Variants in PCDHA6 observed in about 807,000 individuals in gnomAD.
PCDHA6 encodes protocadherin alpha 6, also known as protocadherin alpha-6.
A neutral mutation model predicts 60.3 loss-of-function variants in PCDHA6; 55 were observed. The observed-to-expected ratio is 0.91, with a 90% CI of 0.73 to 1.14. The LOEUF (loss-of-function observed/expected upper bound fraction) is 1.14. Ranked by LOEUF, PCDHA6 falls within the 50% of genes most tolerant of loss-of-function variation. PCDHA6 has a pLI of 0.00. For missense variants in PCDHA6, 1,327 were observed against 1,256.5 expected (o/e 1.06, Z -0.85); for synonymous variants, 652 against 557.9 (o/e 1.17, Z -2.38).
chr5:140,926,533 A>G (rs957359754), intron 1 of PCDHA6: 23 of 211,100 alleles, frequency 1.1e-4, no homozygotes, highest in East Asian at 3.3e-4. Context: ...GCCCGCAGCC[A>G]GCGTGGTGGT....
intron 1 of PCDHA6, chr5:140,857,828 C>A (rs781917564): frequency 2.5e-6 from 4 of 1,597,660 alleles, no homozygotes; most frequent in African/African-American, 1.3e-5. Flanking sequence ...GGCTAAGGTG[C>A]GCGCAGTGGA....
chr5:140,912,163 G>T (rs1018826504), intron 1 of PCDHA6, among the ~76,000 whole-genome samples: 4 of 152,092 alleles, frequency 2.6e-5, no homozygotes, highest in African/African-American at 9.7e-5. Context: ...TTTTATTCTG[G>T]CTGTGCTGGC....
rs2150367479 is a variant in PCDHA6, at chr5:140,843,905, G to A, written c.2394+13420G>A. 8 of 645,878 alleles carry A rather than the reference G, an allele frequency of 1.2e-5. 1 individual carries two copies. Among genetic ancestry groups the A allele is most frequent in the African/African-American group, 1.8e-5 (1 of 54,098 alleles). 40.0% of individuals were successfully genotyped at this position (645,878 alleles called of 1,614,324 possible). ...ATACAGTATTAATCATTCTCCACAA[G>A]TTGGGTCTATCTTGAAACTCAAGTT... On this transcript the variant is annotated intron_variant, in intron 1 of 3. Coordinates refer to ENST00000529310, the MANE Select transcript of PCDHA6 (RefSeq NM_018909.4).
chr5:140,854,159 CAAAAAA>C, intron 1 of PCDHA6: 1 of 339,904 alleles, frequency 2.9e-6, no homozygotes, highest in Middle Eastern at 1.4e-3. Flanking sequence ...GATTCTGTCT[CAAAAAA>C]AAAAAAAAAA....
chr5:140,865,755 A>C (rs1390578535), intron 1 of PCDHA6: 1 of 152,226 alleles, frequency 6.6e-6, no homozygotes, highest in Non-Finnish European at 1.5e-5. Flanking sequence ...GTGCCAGTAC[A>C]TGGTGGAGAT....
chr5:141,003,724 A>C (rs575036478), intron 3 of PCDHA6, among the ~76,000 whole-genome samples: 2 of 151,950 alleles, frequency 1.3e-5, no homozygotes, highest in African/African-American at 4.8e-5. Flanking sequence ...CGGCTAATCC[A>C]ATAAAAAAGC....
chr5:140,961,715 A>G (rs1363525264), intron 1 of PCDHA6, among the ~76,000 whole-genome samples: 2 of 152,160 alleles, frequency 1.3e-5, no homozygotes, highest in Non-Finnish European at 2.9e-5. Flanking sequence ...TTCATTTCTA[A>G]GTGCTCATAA....
intron 1 of PCDHA6, chr5:140,852,034 G>A (rs1233314142): frequency 2.1e-6 from 2 of 935,712 alleles, no homozygotes; most frequent in Non-Finnish European, 2.6e-6. Flanking sequence ...CGCTTATTGA[G>A]TTTTTGTTAT....
chr5:140,841,134 G>T, intron 1 of PCDHA6: 1 of 689,850 alleles, frequency 1.4e-6, no homozygotes. Flanking sequence ...ACCTTTTGAA[G>T]CCACATGATG....
rs2150152822 is a variant in PCDHA6, at chr5:140,828,237, C to A, written c.146C>A (p.Ala49Glu). The A allele has an allele frequency of 1.2e-6, 2 of 1,613,956 alleles. No homozygotes were observed. The highest frequency in any genetic ancestry group is 3.3e-5 in the Admixed American group (2 of 60,034). ...CACGGCACCTTCGTGGGCCGGATCGCGCAGGACCTGGGGCTGGAGCTGGCG... is the reference window on the plus strand; with the variant it reads ...CACGGCACCTTCGTGGGCCGGATCGAGCAGGACCTGGGGCTGGAGCTGGCG... The part of the protein sequence containing the change: ...AKHGTFVGRI[A>E]QDLGLELAEL... Residue 49 changes from alanine to glutamate, a missense_variant, in exon 1 of 4, where the codon GCG becomes GAG. By Grantham distance (107) the Ala-to-Glu change is moderately radical. Transcript: ENST00000529310.
intron 1 of PCDHA6, among the ~76,000 whole-genome samples, chr5:140,969,974 A>G (rs11750201): frequency 0.017 from 2,514 of 152,228 alleles, 25 homozygotes; most frequent in Middle Eastern, 0.037. Flanking sequence ...TGATGTGGCA[A>G]CTCTTCTGTA....
intron 1 of PCDHA6, among the ~76,000 whole-genome samples, chr5:140,936,053 C>A (rs576745037): frequency 1.3e-5 from 2 of 151,934 alleles, no homozygotes; most frequent in African/African-American, 4.8e-5. Context: ...CCACCACACC[C>A]GGCTAATTTT....
At chr5:140,841,877 A>G (rs2150324611) in intron 1 of PCDHA6, 1 of 1,613,820 alleles carries the variant, frequency 6.2e-7, no homozygotes. Flanking sequence ...GAATTCAAAG[A>G]ACGATGAGAA....
chr5:140,842,285 G>A lies in PCDHA6; in HGVS notation c.2394+11800G>A, dbSNP rs1777851856. 1.9e-6 allele frequency: 3 copies of A among 1,610,382 alleles called. No homozygotes were observed. The highest frequency in any genetic ancestry group is 2.5e-6 in the Non-Finnish European group (3 of 1,176,908). On this transcript the variant is annotated intron_variant, in intron 1 of 3. Transcript: ENST00000529310. ...AAACTTATACAAAATCCTCATTGAC[G>A]CCACGGACAAAGGCCATCCTCCCAT...
chr5:140,982,299 T>C, intron 2 of PCDHA6, 176 bp from the exon 3 acceptor site: 1 of 1,200,862 alleles, frequency 8.3e-7, no homozygotes, highest in South Asian at 1.7e-5. Flanking sequence ...AAGTCAGCAA[T>C]GCTTCTGCAG....
chr5:140,881,409 A>G (rs2153379419), intron 1 of PCDHA6: 1 of 950,550 alleles, frequency 1.1e-6, no homozygotes, highest in East Asian at 1.2e-4. Context: ...TTAAATCAAT[A>G]GGATATTAGT....
At chr5:140,884,504 G>C in intron 1 of PCDHA6, 2 of 1,614,180 alleles carry the variant, frequency 1.2e-6, no homozygotes, top group South Asian at 2.2e-5. Flanking sequence ...CAGCGCGGCA[G>C]GGAGTTGGTC....
chr5:140,941,193 TTC>T (rs1491512649), intron 1 of PCDHA6, among the ~76,000 whole-genome samples: 2 of 116,638 alleles, frequency 1.7e-5, no homozygotes, highest in Admixed American at 1.7e-4. Flanking sequence ...TTCTTTTTTT[TTC>T]TTTCTTCCTT....
At chr5:140,839,929 A>G (rs1196921808) in intron 1 of PCDHA6, among the ~76,000 whole-genome samples, 3 of 152,064 alleles carry the variant, frequency 2.0e-5, no homozygotes, top group Non-Finnish European at 2.9e-5. Context: ...TTGAACAAAG[A>G]GTGTGCCAAG....
Sources: allele counts gnomAD v4.1 joint callset (sites outside exome capture counted in the v4.1 genomes callset), GRCh38; gene constraint gnomAD v4.1.1; transcripts MANE v1.5; gene names NCBI Gene and HGNC (gene_info 2026-07-23, HGNC 2026-07-21).